The following SPON1 variants were observed in gnomAD, a reference collection of about 807,000 sequenced individuals.
The protein encoded by SPON1 is spondin 1.
Under a neutral mutation model 111.7 loss-of-function variants are expected in SPON1, and 52 were observed. That is an observed-to-expected ratio of 0.47 (90% confidence interval 0.37 to 0.59). SPON1 has a LOEUF of 0.59. SPON1 is among the 20% of genes least tolerant of loss of function. The probability of loss-of-function intolerance (pLI) is 0.00; values close to 1 mark genes in which losing one functional copy is unlikely to be tolerated. For missense variants in SPON1, 957 were observed against 1,068.5 expected (o/e 0.90, Z 1.46); for synonymous variants, 410 against 395.8 (o/e 1.04, Z -0.43).
At chr11:14,085,222 G>A (rs782437771) in intron 5 of SPON1, among the ~76,000 whole-genome samples, 4 of 152,124 alleles carry the variant, frequency 2.6e-5, no homozygotes, top group Non-Finnish European at 4.4e-5. Context: ...CTTTGCCCAT[G>A]CTTATGTCCT....
chr11:14,265,401 C>A, intron 15 of SPON1, 123 bp from the exon 16 acceptor site: 2 of 1,148,556 alleles, frequency 1.7e-6, no homozygotes, highest in Non-Finnish European at 1.2e-6. Context: ...CGACTCTAAC[C>A]AATCATTACA....
chr11:14,219,908 G>A (rs1335461493), intron 6 of SPON1, among the ~76,000 whole-genome samples: 1 of 152,014 alleles, frequency 6.6e-6, no homozygotes, highest in African/African-American at 2.4e-5. Context: ...GCAACATGGT[G>A]AAACCCCATC....
intron 6 of SPON1, among the ~76,000 whole-genome samples, chr11:14,141,794 A>G (rs1847659599): frequency 6.6e-6 from 1 of 152,132 alleles, no homozygotes; most frequent in South Asian, 2.1e-4. Context: ...TAAATTTTTA[A>G]TCACTTTTCT....
chr11:14,181,268 T>G (rs2133887348), intron 6 of SPON1, among the ~76,000 whole-genome samples: 1 of 152,166 alleles, frequency 6.6e-6, no homozygotes, highest in East Asian at 1.9e-4. Context: ...AGATGAAATA[T>G]ATGTCATTTC....
chr11:14,152,489 G>A (rs1319119017), intron 6 of SPON1, among the ~76,000 whole-genome samples: 1 of 152,178 alleles, frequency 6.6e-6, no homozygotes, highest in Non-Finnish European at 1.5e-5. Flanking sequence ...TACAGCTCTT[G>A]GAGAGCAGCT....
At chr11:14,232,464 C>T (rs981450406) in intron 6 of SPON1, among the ~76,000 whole-genome samples, 1 of 152,144 alleles carries the variant, frequency 6.6e-6, no homozygotes, top group Non-Finnish European at 1.5e-5. Context: ...CTGGCTCATG[C>T]CTGTAACCAC....
intron 3 of SPON1, among the ~76,000 whole-genome samples, chr11:14,062,440 A>G (rs1848798342): frequency 6.6e-6 from 1 of 152,174 alleles, no homozygotes; most frequent in Admixed American, 6.5e-5. Flanking sequence ...AGGATTTACT[A>G]CCTTTTCTAC....
chr11:14,022,704 T>C (rs1054383357), intron 2 of SPON1, among the ~76,000 whole-genome samples: 2 of 152,356 alleles, frequency 1.3e-5, no homozygotes, highest in East Asian at 3.9e-4. Context: ...TCCCTCAAAG[T>C]TAAGCTTTTC....
chr11:14,223,940 A>T (rs1376618374), intron 6 of SPON1, among the ~76,000 whole-genome samples: 1 of 152,252 alleles, frequency 6.6e-6, no homozygotes, highest in African/African-American at 2.4e-5. Context: ...ATCTGGCTCC[A>T]GTCTGGCAAG....
chr11:14,080,265 G>A (rs1426627870), intron 5 of SPON1, among the ~76,000 whole-genome samples: 2 of 150,038 alleles, frequency 1.3e-5, no homozygotes, highest in African/African-American at 4.9e-5. Context: ...GTCTCGCTCT[G>A]TTGCCGAGGC....
Position 14,041,569 on chromosome 11 carries a change from G to A in SPON1, c.394G>A (p.Val132Ile). The A allele has an allele frequency of 6.2e-7, 1 of 1,613,980 alleles. No individual in the cohort carries two copies. Among genetic ancestry groups the A allele is most frequent in the Non-Finnish European group, 8.5e-7 (1 of 1,179,884 alleles). ...TQFMSNCPVAVTESTPRRRTR... is the reference protein window; with the variant it reads ...TQFMSNCPVAITESTPRRRTR... ...GTTTATGAGCAATTGCCCTGTTGCA[G>A]TCACTGAAAGCACTCCACGGAGGAG... The change falls in exon 3 of 16, where the codon GTC becomes ATC. Residue 132 changes from valine (V) to isoleucine (I), a missense_variant. Physicochemically the swap from Val to Ile is conservative, Grantham distance 29 (BLOSUM62 3). This residue lies in a region of SPON1 where 262 missense variants were observed against 253.9 expected (regional missense o/e 1.03). Transcript: ENST00000576479.
chr11:14,099,628 C>G (rs1387800940), intron 5 of SPON1, among the ~76,000 whole-genome samples: 1 of 152,204 alleles, frequency 6.6e-6, no homozygotes, highest in African/African-American at 2.4e-5. Context: ...TCTAAGTAGT[C>G]AGAGAGTTTT....
At chr11:14,161,087 T>C (rs1847946919) in intron 6 of SPON1, among the ~76,000 whole-genome samples, 1 of 42,942 alleles carries the variant, frequency 2.3e-5, no homozygotes, top group African/African-American at 8.4e-5. Flanking sequence ...TATATATTTA[T>C]ATATATCTAT....
intron 14 of SPON1, chr11:14,262,391 G>A (rs138603300): frequency 2.7e-6 from 1 of 368,696 alleles, no homozygotes; most frequent in African/African-American, 2.0e-5. Context: ...CTGTACTTGA[G>A]GCTGATCTGA....
chr11:14,200,723 A>C (rs1032899895), intron 6 of SPON1, among the ~76,000 whole-genome samples: 1 of 150,802 alleles, frequency 6.6e-6, no homozygotes, highest in Non-Finnish European at 1.5e-5. Context: ...GCTGAAGCAC[A>C]AGAATAGCTT....
At chr11:14,017,903 A>G (rs1315064547) in intron 2 of SPON1, among the ~76,000 whole-genome samples, 1 of 152,200 alleles carries the variant, frequency 6.6e-6, no homozygotes, top group Non-Finnish European at 1.5e-5. Flanking sequence ...CACTTGTTAC[A>G]TCTTTGTAAT....
chr11:14,127,865 G>A (rs1847478668), intron 5 of SPON1, among the ~76,000 whole-genome samples: 1 of 152,200 alleles, frequency 6.6e-6, no homozygotes, highest in Non-Finnish European at 1.5e-5. Flanking sequence ...GAAGGTGAAA[G>A]ACAAGCAAGC....
Position 14,160,887 on chromosome 11 carries a change from TTATATATATTTATATATTTA to T in SPON1, c.825+25345_825+25364del, listed in dbSNP as rs1564919663. Among the ~76,000 whole-genome samples, 27 of 43,698 alleles carry T rather than the reference TTATATATATTTATATATTTA, an allele frequency of 6.2e-4. 4 individuals carry two copies. The highest frequency in any genetic ancestry group is 1.8e-3 in the Admixed American group (4 of 2,212). The allele number at this position is 43,698 out of a possible 152,430, so 28.7% of individuals were successfully genotyped here. On this transcript the variant is annotated intron_variant, in intron 6 of 15. Transcript: ENST00000576479. ...TATATATTTTTATATTTTTATATAT[TTATATATATTTATATATTTA>T]TATATATATTTATATATTTATATAT...
chr11:14,203,093 G>A (rs1340517480), intron 6 of SPON1, among the ~76,000 whole-genome samples: 1 of 152,146 alleles, frequency 6.6e-6, no homozygotes, highest in African/African-American at 2.4e-5. Flanking sequence ...TGATTTAGGA[G>A]GTTGATCCCT....
Sources: gnomAD v4.1 joint callset for allele counts (sites outside exome capture counted in the v4.1 genomes callset) on GRCh38, gnomAD v4.1.1 for gene constraint, gnomAD v4.1.1 regional missense constraint, MANE v1.5 for transcripts, NCBI Gene and HGNC (gene_info 2026-07-23, HGNC 2026-07-21) for gene names.